Variants in DOCK3 observed in about 807,000 individuals in gnomAD.
DOCK3 encodes the protein dedicator of cytokinesis protein 3.
DOCK3 carries 60 observed loss-of-function variants against 265.6 expected under a neutral mutation model. That is an observed-to-expected ratio of 0.23 (90% confidence interval 0.18 to 0.28). The LOEUF (loss-of-function observed/expected upper bound fraction) is 0.28. Among genes scored for constraint, DOCK3 ranks in the 10% least tolerant of loss-of-function variants. The pLI is 1.00. For missense variants in DOCK3, 1,981 were observed against 2,594.3 expected (o/e 0.76, Z 5.14); for synonymous variants, 881 against 938.0 (o/e 0.94, Z 1.11).
At chr3:50,722,375 AT>A (rs2037530171) in intron 1 of DOCK3, among the ~76,000 whole-genome samples, 1 of 152,220 alleles carries the variant, frequency 6.6e-6, no homozygotes, top group South Asian at 2.1e-4. Flanking sequence ...GATATTAAGA[AT>A]TTTACCAGTG....
At chr3:51,369,590 G>A (rs879769604) in intron 49 of DOCK3, among the ~76,000 whole-genome samples, 1 of 152,136 alleles carries the variant, frequency 6.6e-6, no homozygotes, top group Non-Finnish European at 1.5e-5. Flanking sequence ...TGTATGACTT[G>A]GGAAGTCATT....
At chr3:51,302,746 C>G (rs1272503968) in intron 27 of DOCK3, among the ~76,000 whole-genome samples, 1 of 152,062 alleles carries the variant, frequency 6.6e-6, no homozygotes, top group Admixed American at 6.6e-5. Context: ...GAATATTGGC[C>G]CCCAATCTCT....
chr3:51,347,923 C>T (rs886696236), intron 38 of DOCK3, among the ~76,000 whole-genome samples: 2 of 152,100 alleles, frequency 1.3e-5, no homozygotes, highest in African/African-American at 4.8e-5. Context: ...AGTTCACTCA[C>T]AATTTGGCTC....
Position 50,675,330 on chromosome 3 carries a change from G to A in DOCK3, c.37+30G>A. 1 of 1,223,958 alleles carries A rather than the reference G, an allele frequency of 8.2e-7. No homozygotes were observed. Among genetic ancestry groups the A allele is most frequent in the South Asian group, 3.3e-5 (1 of 30,002 alleles). 75.8% of individuals were successfully genotyped at this position (1,223,958 alleles called of 1,614,324 possible). A position where few individuals can be genotyped will look rare whatever the true frequency, so the allele number is the denominator to read the frequency against. On this transcript the variant is annotated intron_variant, in intron 1 of 52. Transcript: ENST00000266037. The surrounding 1 kb of genome is among the most constrained non-coding windows in gnomAD (Gnocchi z 6.1). Reference sequence around the variant, plus strand: ...GTGAGGCTCAGGCCTGGCCGTGGCGGGGGTTCTGGGGGACGCGCCCAGCTC... The same window carrying A: ...GTGAGGCTCAGGCCTGGCCGTGGCGAGGGTTCTGGGGGACGCGCCCAGCTC...
intron 1 of DOCK3, among the ~76,000 whole-genome samples, chr3:50,757,008 A>G (rs1375294637): frequency 6.6e-6 from 1 of 151,724 alleles, no homozygotes; most frequent in Non-Finnish European, 1.5e-5. Context: ...CTGCAGGTAC[A>G]CCTCACCACA....
At chr3:50,973,203 A>C (rs2077308792) in intron 5 of DOCK3, among the ~76,000 whole-genome samples, 1 of 146,098 alleles carries the variant, frequency 6.8e-6, no homozygotes, top group Non-Finnish European at 1.5e-5. Context: ...TTAGTTGCAT[A>C]TGTATACATG....
intron 5 of DOCK3, among the ~76,000 whole-genome samples, chr3:50,961,374 A>C (rs1385065199): frequency 6.6e-6 from 1 of 152,184 alleles, no homozygotes. Context: ...GAAAGAATGC[A>C]GTGAGAGGAA....
chr3:50,996,629 C>T (rs1354288639), intron 5 of DOCK3, among the ~76,000 whole-genome samples: 1 of 152,064 alleles, frequency 6.6e-6, no homozygotes, highest in Admixed American at 6.5e-5. Context: ...CTCTCTACTT[C>T]TTTTCTTACT....
At chr3:50,845,261 T>G (rs868487669) in intron 3 of DOCK3, among the ~76,000 whole-genome samples, 1 of 152,126 alleles carries the variant, frequency 6.6e-6, no homozygotes, top group African/African-American at 2.4e-5. Flanking sequence ...AATTAAAGAA[T>G]AAGACATAAA....
At chr3:50,828,349 C>A (rs755449088) in intron 2 of DOCK3, among the ~76,000 whole-genome samples, 3 of 152,100 alleles carry the variant, frequency 2.0e-5, no homozygotes, top group Non-Finnish European at 2.9e-5. Context: ...CAACTATGGT[C>A]TATATTTTAC....
intron 40 of DOCK3, among the ~76,000 whole-genome samples, chr3:51,351,518 G>A (rs1345940271): frequency 6.6e-6 from 1 of 152,184 alleles, no homozygotes; most frequent in African/African-American, 2.4e-5. Context: ...AGGCTAGAAG[G>A]AAAAACGATC....
rs146127730 is a variant in DOCK3 at position 50,730,147 on chromosome 3, A to G, written c.38-48528A>G. On this transcript the variant is annotated intron_variant, in intron 1 of 52. Transcript: ENST00000266037. Reference sequence around the variant, plus strand: ...TTTGCACTAACGCTTTTAAAAATATATATTTATTTTTTGAGACAGAGTCTC... The same window carrying G: ...TTTGCACTAACGCTTTTAAAAATATGTATTTATTTTTTGAGACAGAGTCTC... 1.2e-4 allele frequency among the ~76,000 whole-genome samples: 18 copies of G among 152,038 alleles called. No individual in the cohort carries two copies. In the East Asian group the frequency reaches 3.5e-3, roughly 30 times the overall value.
intron 1 of DOCK3, among the ~76,000 whole-genome samples, chr3:50,720,157 G>A (rs2037382980): frequency 6.6e-6 from 1 of 152,016 alleles, no homozygotes; most frequent in East Asian, 1.9e-4. Flanking sequence ...TTTTATTTTA[G>A]GTCCAGAGGT....
At chr3:50,993,970 A>G (rs2078195529) in intron 5 of DOCK3, among the ~76,000 whole-genome samples, 2 of 152,234 alleles carry the variant, frequency 1.3e-5, no homozygotes, top group South Asian at 2.1e-4. Context: ...AGAAAAGGCT[A>G]TTGGTCCTAA....
chr3:51,282,308 C>T (rs1161337106), intron 27 of DOCK3, among the ~76,000 whole-genome samples: 2 of 148,734 alleles, frequency 1.3e-5, no homozygotes, highest in African/African-American at 5.0e-5. Flanking sequence ...TTATATCCAT[C>T]TTAAAAAGAC....
intron 1 of DOCK3, among the ~76,000 whole-genome samples, chr3:50,692,588 C>T (rs1285758837): frequency 1.3e-5 from 2 of 152,004 alleles, no homozygotes; most frequent in African/African-American, 4.8e-5. Flanking sequence ...AATTTGTGGC[C>T]CAGGGGTTAG....
intron 4 of DOCK3, among the ~76,000 whole-genome samples, chr3:50,907,178 A>G (rs1029937639): frequency 3.3e-5 from 5 of 151,736 alleles, no homozygotes; most frequent in African/African-American, 7.3e-5. Flanking sequence ...ACTTCCAACT[A>G]TGTTGATTTT....
At chr3:51,218,512 C>A (rs921597073) in intron 14 of DOCK3, among the ~76,000 whole-genome samples, 1 of 152,158 alleles carries the variant, frequency 6.6e-6, no homozygotes, top group African/African-American at 2.4e-5. Flanking sequence ...TCTAAGCCAG[C>A]AGAGATGTGC....
chr3:50,992,734 A>G lies in DOCK3; in HGVS notation c.315+58657A>G, dbSNP rs535053251. On this transcript the variant is annotated intron_variant, in intron 5 of 52. Transcript: ENST00000266037. ...CCACTACCCCACAGAAATAGAAACA[A>G]CCATTAAAAGCTACTACAAACACTT... Among the ~76,000 whole-genome samples the G allele has an allele frequency of 9.8e-5, 15 of 152,344 alleles. No individual in the cohort carries two copies. In the South Asian group the frequency reaches 3.1e-3, roughly 32 times the overall value.
Sources: allele counts gnomAD v4.1 joint callset (sites outside exome capture counted in the v4.1 genomes callset), GRCh38; gene constraint gnomAD v4.1.1; non-coding constraint Gnocchi (gnomAD v3.1); transcripts MANE v1.5; gene names NCBI Gene and HGNC (gene_info 2026-07-23, HGNC 2026-07-21).